Variants in PLAC1 observed in about 807,000 individuals in gnomAD.
PLAC1 encodes placenta associated 1, also known as placenta-specific protein 1.
For missense variants in PLAC1, 136 were observed against 163.2 expected, an observed-to-expected ratio of 0.83 and a Z score of 0.91; for synonymous variants, 68 against 62.1, an observed-to-expected ratio of 1.09 and a Z score of -0.44.
intron 2 of PLAC1, among the ~76,000 whole-genome samples, chrX:134,570,004 A>G (rs973998650): frequency 9.1e-6 from 1 of 109,846 alleles, no homozygotes; most frequent in Non-Finnish European, 1.9e-5. Context: ...TAATTTTTGT[A>G]TTTTTAGTAG....
At chrX:134,743,696 G>A (rs910503233) in intron 1 of PLAC1, among the ~76,000 whole-genome samples, 5 of 111,317 alleles carry the variant, frequency 4.5e-5, no homozygotes, top group Admixed American at 9.6e-5. Flanking sequence ...GTAGGGACAA[G>A]GCCAGCCAAT....
intron 1 of PLAC1, among the ~76,000 whole-genome samples, chrX:134,647,384 T>G (rs1162365690): frequency 2.8e-5 from 3 of 107,153 alleles, no homozygotes. Context: ...AATGTTGTGG[T>G]CTTCTATGTG....
intron 1 of PLAC1, among the ~76,000 whole-genome samples, chrX:134,742,587 CAA>C (rs375572352): frequency 1.1e-5 from 1 of 92,912 alleles, no homozygotes; most frequent in Non-Finnish European, 2.2e-5. Flanking sequence ...GACTCTGTTT[CAA>C]AAAAAAAAAG....
intron 2 of PLAC1, among the ~76,000 whole-genome samples, chrX:134,681,289 G>A (rs1193695076): frequency 9.0e-6 from 1 of 111,141 alleles, no homozygotes; most frequent in Non-Finnish European, 1.9e-5. Context: ...AAACACTTTG[G>A]TCGTTAAGAG....
intron 2 of PLAC1, among the ~76,000 whole-genome samples, chrX:134,696,053 A>G (rs2078561849): frequency 9.0e-6 from 1 of 111,182 alleles, no homozygotes; most frequent in African/African-American, 3.3e-5. Flanking sequence ...AGTATGTCCC[A>G]TGCAATATTT....
rs2078091815 is a variant in PLAC1, at chrX:134,602,135, A to C, written c.-130-13T>G. On this transcript the variant is annotated splice_polypyrimidine_tract_variant and intron_variant, in intron 1 of 2. Coordinates refer to ENST00000359237, the MANE Select transcript of PLAC1 (RefSeq NM_021796.4). ...CTGGTGAAGGCAGCTGGAACAGAAAAAGCATGACAGACAAAAGCTGAAATC... is the reference window on the plus strand; with the variant it reads ...CTGGTGAAGGCAGCTGGAACAGAAACAGCATGACAGACAAAAGCTGAAATC... 8.9e-6 allele frequency: 1 copy of C among 112,660 alleles called. No homozygotes were observed. Among genetic ancestry groups the C allele is most frequent in the Admixed American group, 9.5e-5 (1 of 10,563 alleles). 9.3% of individuals were successfully genotyped at this position (112,660 alleles called of 1,213,427 possible).
intron 2 of PLAC1, among the ~76,000 whole-genome samples, chrX:134,590,196 A>AATAAATAAATAAATAAATAAAT (rs2078030830): frequency 9.7e-6 from 1 of 103,384 alleles, no homozygotes; most frequent in Non-Finnish European, 2.0e-5. Context: ...CTCCATCTCA[A>AATAAATAAATAAATAAATAAAT]AAATAAATAA....
chrX:134,605,081 C>T (rs758632367), intron 1 of PLAC1, among the ~76,000 whole-genome samples: 2 of 111,455 alleles, frequency 1.8e-5, no homozygotes, highest in East Asian at 5.6e-4. Flanking sequence ...AACTTTTGTG[C>T]TCCCCTCCTA....
chrX:134,577,750 C>T (rs77894870), intron 2 of PLAC1, among the ~76,000 whole-genome samples: 17 of 94,151 alleles, frequency 1.8e-4, no homozygotes, highest in African/African-American at 4.7e-4. Flanking sequence ...TGCATGCATG[C>T]GTGTGTGTGT....
intron 2 of PLAC1, among the ~76,000 whole-genome samples, chrX:134,590,052 G>C (rs371285511): frequency 1.8e-5 from 2 of 109,333 alleles, no homozygotes; most frequent in African/African-American, 3.3e-5. Flanking sequence ...AAAATTAGCC[G>C]GGCGTGGTGG....
intron 2 of PLAC1, among the ~76,000 whole-genome samples, chrX:134,732,996 T>C (rs1046827756): frequency 9.0e-6 from 1 of 111,256 alleles, no homozygotes; most frequent in African/African-American, 3.3e-5. Flanking sequence ...CCCACTGCTG[T>C]TTCCTCCCAG....
At chrX:134,710,025 A>T (rs2147833254) in intron 2 of PLAC1, among the ~76,000 whole-genome samples, 1 of 111,937 alleles carries the variant, frequency 8.9e-6, no homozygotes, top group African/African-American at 3.2e-5. Context: ...AGAAAAAATG[A>T]CAGTATAAAG....
At chrX:134,643,663 A>C (rs777477392) in intron 1 of PLAC1, among the ~76,000 whole-genome samples, 1 of 111,938 alleles carries the variant, frequency 8.9e-6, no homozygotes, top group East Asian at 2.8e-4. Context: ...GATGCAGCAA[A>C]AATGTTTGAT....
chrX:134,605,807 G>A (rs1035174489), intron 1 of PLAC1: 2 of 112,465 alleles, frequency 1.8e-5, no homozygotes, highest in Non-Finnish European at 3.8e-5. Flanking sequence ...AGATGACTCA[G>A]ATGTGCCCTT....
intron 1 of PLAC1, among the ~76,000 whole-genome samples, chrX:134,619,665 G>A (rs1175536119): frequency 9.3e-6 from 1 of 107,173 alleles, no homozygotes. Flanking sequence ...AAAAAAAAAA[G>A]AAAAAAGAAA....
chrX:134,581,348 C>T (rs781683452), intron 2 of PLAC1, among the ~76,000 whole-genome samples: 1 of 111,068 alleles, frequency 9.0e-6, no homozygotes, highest in East Asian at 2.8e-4. Context: ...GGGGCACTTA[C>T]TGAGTTTGAA....
At chrX:134,567,705 C>T (rs777543758) in intron 2 of PLAC1, among the ~76,000 whole-genome samples, 1 of 104,393 alleles carries the variant, frequency 9.6e-6, no homozygotes, top group African/African-American at 3.5e-5. Context: ...CTATAGTGAG[C>T]CAAGAGTGTG....
intron 1 of PLAC1, among the ~76,000 whole-genome samples, chrX:134,645,130 AT>A (rs756817006): frequency 9.8e-5 from 11 of 111,812 alleles, no homozygotes; most frequent in African/African-American, 2.0e-4. Flanking sequence ...AGTATTCTCA[AT>A]ATCCTCATCC....
intron 2 of PLAC1, among the ~76,000 whole-genome samples, chrX:134,585,207 A>G (rs977931026): frequency 3.3e-5 from 3 of 92,265 alleles, no homozygotes; most frequent in African/African-American, 7.7e-5. Context: ...AAAGCCGGGC[A>G]TGGTGGCACG....
Sources: gnomAD v4.1 joint callset for allele counts (sites outside exome capture counted in the v4.1 genomes callset) on GRCh38, gnomAD v4.1.1 for gene constraint, MANE v1.5 for transcripts, NCBI Gene and HGNC (gene_info 2026-07-23, HGNC 2026-07-21) for gene names.